PCSK5: variants seen among roughly 807,000 people sequenced by gnomAD.
PCSK5 encodes the protein prohormone convertase 5.
A neutral mutation model predicts 233.2 loss-of-function variants in PCSK5; 129 were observed. That is an observed-to-expected ratio of 0.55 (90% CI 0.48 to 0.64). PCSK5 has a LOEUF of 0.64. Among genes scored for constraint, PCSK5 ranks in the 30% least tolerant of loss-of-function variants. PCSK5 has a pLI of 0.00. For missense variants in PCSK5, 2,076 were observed against 2,430.1 expected, an observed-to-expected ratio of 0.85 and a Z score of 3.06; for synonymous variants, 825 against 879.2, an observed-to-expected ratio of 0.94 and a Z score of 1.09.
At chr9:76,015,206 T>C in intron 3 of PCSK5, among the ~76,000 whole-genome samples, 1 of 152,184 alleles carries the variant, frequency 6.6e-6, no homozygotes, top group Non-Finnish European at 1.5e-5. Flanking sequence ...GTCTCAGCTC[T>C]ACCAGAGAAA....
At chr9:76,266,455 C>T (rs539591941) in intron 24 of PCSK5, among the ~76,000 whole-genome samples, 11 of 152,246 alleles carry the variant, frequency 7.2e-5, no homozygotes, top group East Asian at 3.9e-4. Flanking sequence ...CTATTTAATT[C>T]CCATTGCAAA....
chr9:76,024,605 AC>A (rs778114200), intron 4 of PCSK5, among the ~76,000 whole-genome samples: 1 of 152,338 alleles, frequency 6.6e-6, no homozygotes, highest in Non-Finnish European at 1.5e-5. Flanking sequence ...AGAGGGTTTT[AC>A]AGCATGCTGC....
intron 5 of PCSK5, among the ~76,000 whole-genome samples, chr9:76,066,436 A>T (rs1179059808): frequency 6.6e-6 from 1 of 152,186 alleles, no homozygotes; most frequent in Non-Finnish European, 1.5e-5. Flanking sequence ...TTGATCCAGT[A>T]ATTCTACTTC....
intron 3 of PCSK5, among the ~76,000 whole-genome samples, chr9:76,017,806 AT>A (rs1828011087): frequency 6.6e-6 from 1 of 152,178 alleles, no homozygotes; most frequent in African/African-American, 2.4e-5. Context: ...CTCATTAAGT[AT>A]TGTAATAAAC....
At chr9:75,980,319 T>C (rs1826220435) in intron 2 of PCSK5, among the ~76,000 whole-genome samples, 1 of 152,156 alleles carries the variant, frequency 6.6e-6, no homozygotes, top group Non-Finnish European at 1.5e-5. Context: ...TACAGCAGAG[T>C]CAAGTTTTTT....
chr9:76,130,432 C>T (rs80173643), intron 9 of PCSK5, among the ~76,000 whole-genome samples: 1 of 152,168 alleles, frequency 6.6e-6, no homozygotes. Context: ...CCAAGTCCAG[C>T]TGGCTTGAAT....
intron 3 of PCSK5, among the ~76,000 whole-genome samples, chr9:76,010,774 A>G (rs1170079358): frequency 6.6e-6 from 1 of 152,168 alleles, no homozygotes; most frequent in African/African-American, 2.4e-5. Flanking sequence ...TGCTTGGAAA[A>G]CTATGTTCTA....
In PCSK5 at chr9:75,908,929, A is replaced by ATCTATCTC. The variant is rs1445286663; in HGVS notation, c.192+17559_192+17560insATCTCTCT. Among the ~76,000 whole-genome samples, 664 of 101,846 alleles carry ATCTATCTC rather than the reference A, an allele frequency of 6.5e-3. 8 individuals carry two copies. Among genetic ancestry groups the ATCTATCTC allele is most frequent in the Middle Eastern group, 0.029 (6 of 210 alleles). The allele number at this position is 101,846 out of a possible 152,430, so 66.8% of individuals were successfully genotyped here. A position where few individuals can be genotyped will look rare whatever the true frequency, so the allele number is the denominator to read the frequency against. On this transcript the variant is annotated intron_variant, in intron 1 of 37. Transcript: ENST00000674117. ...TATCTATCTATCTATCTATCTCTCT[A>ATCTATCTC]TCTCTCTCTCTGTCTATCTATCTAT...
chr9:75,934,879 C>T (rs1396338891), intron 2 of PCSK5, among the ~76,000 whole-genome samples: 1 of 152,076 alleles, frequency 6.6e-6, no homozygotes, highest in Non-Finnish European at 1.5e-5. Context: ...GCCACCATGG[C>T]TGGCCTTGTT....
chr9:76,269,312 C>G (rs942142209), intron 24 of PCSK5, among the ~76,000 whole-genome samples: 1 of 152,172 alleles, frequency 6.6e-6, no homozygotes, highest in East Asian at 1.9e-4. Context: ...TGTTTAGAAC[C>G]ATTCAGCAAT....
chr9:76,143,613 G>A (rs1478847104), intron 10 of PCSK5, among the ~76,000 whole-genome samples: 2 of 151,842 alleles, frequency 1.3e-5, no homozygotes, highest in Non-Finnish European at 2.9e-5. Flanking sequence ...ATGCAATTAT[G>A]TATTTGTGAC....
At chr9:76,112,655 C>T (rs975201752) in intron 9 of PCSK5, among the ~76,000 whole-genome samples, 1 of 151,798 alleles carries the variant, frequency 6.6e-6, no homozygotes, top group African/African-American at 2.4e-5. Flanking sequence ...TTGAACACTA[C>T]AAAAAAATTA....
Position 76,157,035 on chromosome 9 carries a change from C to T in PCSK5, c.1313-10C>T. The T allele has an allele frequency of 1.9e-6, 3 of 1,601,728 alleles. No individual in the cohort carries two copies. The highest frequency in any genetic ancestry group is 2.6e-6 in the Non-Finnish European group (3 of 1,168,700). ...CTTAGTGAAGCTGACCAGTCTCTCG[C>T]TTTCCACAGTGAGCCATCTTTATGG... On this transcript the variant is annotated splice_polypyrimidine_tract_variant and intron_variant, in intron 10 of 37. Coordinates refer to ENST00000674117, the MANE Select transcript of PCSK5 (RefSeq NM_001372043.1).
At chr9:75,978,869 C>CTTTTTTTTTTTT (rs5898441) in intron 2 of PCSK5, among the ~76,000 whole-genome samples, 3 of 128,044 alleles carry the variant, frequency 2.3e-5, no homozygotes, top group Admixed American at 8.2e-5. Context: ...GAATGTTTCC[C>CTTTTTTTTTTTT]TTTTTTTTTT....
intron 7 of PCSK5, among the ~76,000 whole-genome samples, chr9:76,087,804 G>A (rs987169768): frequency 2.0e-5 from 3 of 152,128 alleles, no homozygotes; most frequent in Admixed American, 6.5e-5. Flanking sequence ...TCATAATACG[G>A]ACTACCTGGT....
Position 76,175,087 on chromosome 9 carries a change from G to C in PCSK5, c.1858G>C (p.Val620Leu). 1 of 1,614,182 alleles carries C rather than the reference G, an allele frequency of 6.2e-7. No homozygotes were observed. Among genetic ancestry groups the C allele is most frequent in the Non-Finnish European group, 8.5e-7 (1 of 1,180,012 alleles). Residue 620 changes from valine (V) to leucine (L), a missense_variant, in exon 14 of 38, where the codon GTT becomes CTT. Physicochemically the swap from Val to Leu is conservative, Grantham distance 32. This residue lies in a region of PCSK5 where 84 missense variants were observed against 108.8 expected (regional missense o/e 0.77). Transcript: ENST00000674117. Reference protein sequence around the residue: ...PKVERFRYSRVEDPTDDYGTE... With the variant: ...PKVERFRYSRLEDPTDDYGTE... ...AGTGGAACGGTTCCGCTATAGCCGAGTTGAAGACCCCACAGACGACTATGG... is the reference window on the plus strand; with the variant it reads ...AGTGGAACGGTTCCGCTATAGCCGACTTGAAGACCCCACAGACGACTATGG...
chr9:76,040,291 C>T (rs1039962051), intron 5 of PCSK5, among the ~76,000 whole-genome samples: 4 of 148,388 alleles, frequency 2.7e-5, no homozygotes, highest in African/African-American at 1.0e-4. Context: ...GAGCATAAGC[C>T]AAGTAAGGTC....
chr9:76,180,787 G>A (rs1587725853), intron 15 of PCSK5, among the ~76,000 whole-genome samples: 1 of 152,114 alleles, frequency 6.6e-6, no homozygotes, highest in East Asian at 1.9e-4. Flanking sequence ...CCCAGCCTCT[G>A]TTATCTCCTG....
chr9:76,033,028 G>T (rs1828712716), intron 5 of PCSK5, among the ~76,000 whole-genome samples: 1 of 152,170 alleles, frequency 6.6e-6, no homozygotes, highest in Non-Finnish European at 1.5e-5. Flanking sequence ...TTTAACCAGG[G>T]TGAATGGAAG....
Sources: allele counts gnomAD v4.1 joint callset (sites outside exome capture counted in the v4.1 genomes callset), GRCh38; gene constraint gnomAD v4.1.1; regional missense constraint gnomAD v4.1.1; transcripts MANE v1.5; gene names NCBI Gene and HGNC (gene_info 2026-07-23, HGNC 2026-07-21).